GPHN: variants seen among roughly 807,000 people sequenced by gnomAD.
GPHN encodes gephyrin.
Under a neutral mutation model 95.5 loss-of-function variants are expected in GPHN, and 17 were observed. That is an observed-to-expected ratio of 0.18 (90% CI 0.12 to 0.27). The LOEUF is 0.27. GPHN is among the 10% of genes least tolerant of loss of function. The pLI is 1.00. For synonymous variants in GPHN, 320 were observed against 322.5 expected (o/e 0.99, Z 0.08); for missense variants, 660 against 978.1 (o/e 0.67, Z 4.34).
At chr14:66,559,188 G>T (rs1375275059) in intron 1 of GPHN, among the ~76,000 whole-genome samples, 1 of 151,978 alleles carries the variant, frequency 6.6e-6, no homozygotes, top group Non-Finnish European at 1.5e-5. Context: ...GAATAGTACC[G>T]CAATAAACAT....
Position 67,180,132 on chromosome 14 carries a change from T to C in GPHN, c.2176+458T>C, listed in dbSNP as rs112466029. Among the ~76,000 whole-genome samples, 466 of 152,388 alleles carry C rather than the reference T, an allele frequency of 3.1e-3. 5 individuals are homozygous for C. Among genetic ancestry groups the C allele is most frequent in the African/African-American group, 0.011 (448 of 41,592 alleles). The stretch of plus-strand genomic sequence containing the variant: ...AGGGCAGAGAAATCAATATTGATAA[T>C]GCAGAGTTCTACAGTAACCTTCACT... On this transcript the variant is annotated intron_variant, in intron 22 of 22. Transcript: ENST00000478722.
chr14:67,666,599 C>G, the GPHN span, among the ~76,000 whole-genome samples: 1 of 152,206 alleles, frequency 6.6e-6, no homozygotes, highest in Non-Finnish European at 1.5e-5. Flanking sequence ...TGAGAGGGAT[C>G]AATAGCAGCT....
the GPHN span, among the ~76,000 whole-genome samples, chr14:67,619,039 A>G: frequency 0.018 from 2,737 of 152,328 alleles, 70 homozygotes; most frequent in African/African-American, 0.056. Context: ...ATGTGGAGTC[A>G]GCTCTGCCAC....
intron 11 of GPHN, among the ~76,000 whole-genome samples, chr14:67,068,866 A>G (rs1051490331): frequency 6.6e-6 from 1 of 152,152 alleles, no homozygotes; most frequent in Non-Finnish European, 1.5e-5. Flanking sequence ...CTGCCTGAGC[A>G]TAGGCAGTTA....
At chr14:66,522,178 A>G (rs1430612131) in intron 1 of GPHN, among the ~76,000 whole-genome samples, 3 of 152,152 alleles carry the variant, frequency 2.0e-5, no homozygotes, top group Non-Finnish European at 2.9e-5. Flanking sequence ...TACTCTATAT[A>G]AAAGAGTGGT....
At chr14:66,743,930 T>A (rs1038257301) in intron 2 of GPHN, among the ~76,000 whole-genome samples, 1 of 152,196 alleles carries the variant, frequency 6.6e-6, no homozygotes, top group Admixed American at 6.5e-5. Context: ...ATCCATATTA[T>A]GTTACTTTAA....
the GPHN span, among the ~76,000 whole-genome samples, chr14:67,534,062 C>T: frequency 6.6e-6 from 1 of 152,066 alleles, no homozygotes; most frequent in Non-Finnish European, 1.5e-5. Flanking sequence ...TAAAACTCTT[C>T]CAAGACAGAG....
chr14:66,719,486 G>C (rs1341905507), intron 2 of GPHN, among the ~76,000 whole-genome samples: 3 of 152,130 alleles, frequency 2.0e-5, no homozygotes, highest in Admixed American at 6.5e-5. Context: ...CATTATCTCA[G>C]GTGTCTCCTG....
At chr14:66,871,814 T>C (rs2063451038) in intron 4 of GPHN, among the ~76,000 whole-genome samples, 1 of 151,938 alleles carries the variant, frequency 6.6e-6, no homozygotes, top group South Asian at 2.1e-4. Flanking sequence ...TTGGGACAAA[T>C]ACCTAATACA....
At chr14:66,913,353 T>G (rs1189790131) in intron 5 of GPHN, among the ~76,000 whole-genome samples, 1 of 152,156 alleles carries the variant, frequency 6.6e-6, no homozygotes, top group Non-Finnish European at 1.5e-5. Context: ...TTTGTTTTGT[T>G]TTTTTGAGAC....
At chr14:66,720,146 CAG>C (rs1210266069) in intron 2 of GPHN, among the ~76,000 whole-genome samples, 3 of 151,978 alleles carry the variant, frequency 2.0e-5, no homozygotes, top group Non-Finnish European at 2.9e-5. Flanking sequence ...ACTGTAGTAT[CAG>C]GGAAATAAAA....
At chr14:67,541,853 G>T in the GPHN span, 1 of 1,584,792 alleles carries the variant, frequency 6.3e-7, no homozygotes. Context: ...GAATAATCCA[G>T]AAGTCGATTC....
At chr14:67,084,213 T>C (rs1419781690) in intron 11 of GPHN, among the ~76,000 whole-genome samples, 2 of 152,226 alleles carry the variant, frequency 1.3e-5, no homozygotes, top group South Asian at 2.1e-4. Context: ...AATTCTCTGT[T>C]TTATCACCAA....
chr14:66,562,262 A>G (rs1445640840), intron 1 of GPHN, among the ~76,000 whole-genome samples: 1 of 152,176 alleles, frequency 6.6e-6, no homozygotes, highest in African/African-American at 2.4e-5. Context: ...CTGCGGATCT[A>G]TTTCAGTGTG....
intron 1 of GPHN, among the ~76,000 whole-genome samples, chr14:66,618,353 C>T (rs1010297197): frequency 6.6e-6 from 1 of 152,142 alleles, no homozygotes; most frequent in Non-Finnish European, 1.5e-5. Context: ...GCTAGGATTA[C>T]TGGTGTGAGC....
rs115229112 is a variant in GPHN at position 66,569,132 on chromosome 14, C to G, written c.64+60541C>G. ...GTTTAAATACTTCTGTTTATAGTTA[C>G]AGACCTTCACTGATGAAAGAACTAT... is the stretch of plus-strand genomic sequence containing the variant. On this transcript the variant is annotated intron_variant, in intron 1 of 22. Coordinates refer to ENST00000478722, the MANE Select transcript of GPHN (RefSeq NM_020806.5). Among the ~76,000 whole-genome samples the G allele has an allele frequency of 2.5e-3, 380 of 152,246 alleles. 1 individual carries two copies. The highest frequency in any genetic ancestry group is 8.8e-3 in the African/African-American group (367 of 41,558).
At chr14:66,983,705 T>G (rs17103786) in intron 9 of GPHN, among the ~76,000 whole-genome samples, 2 of 152,342 alleles carry the variant, frequency 1.3e-5, no homozygotes, top group Admixed American at 1.3e-4. Context: ...ATTCAGAGTT[T>G]AGTGGTAACT....
chr14:67,236,051 T>C, the GPHN span, among the ~76,000 whole-genome samples: 14 of 152,234 alleles, frequency 9.2e-5, no homozygotes, highest in Non-Finnish European at 1.5e-5. Flanking sequence ...ATCAAGCTAA[T>C]TAACATTACC....
intron 1 of GPHN, among the ~76,000 whole-genome samples, chr14:66,676,059 T>C (rs1358580530): frequency 6.6e-6 from 1 of 152,092 alleles, no homozygotes; most frequent in Non-Finnish European, 1.5e-5. Flanking sequence ...CACACACATA[T>C]ATATATATAT....
Sources: allele counts gnomAD v4.1 joint callset (sites outside exome capture counted in the v4.1 genomes callset), GRCh38; gene constraint gnomAD v4.1.1; transcripts MANE v1.5; gene names NCBI Gene and HGNC (gene_info 2026-07-23, HGNC 2026-07-21).